RET: variants seen among roughly 807,000 people sequenced by gnomAD.
RET encodes ret proto-oncogene.
A neutral mutation model predicts 118.3 loss-of-function variants in RET; 19 were observed. The observed-to-expected ratio is 0.16, with a 90% confidence interval of 0.11 to 0.24. The LOEUF (loss-of-function observed/expected upper bound fraction) is 0.24. Ranked by LOEUF, RET falls within the 10% of genes least tolerant of loss-of-function variation. The pLI, the probability that RET is intolerant of heterozygous loss-of-function variation, is 1.00. For synonymous variants in RET, 597 were observed against 644.1 expected, an observed-to-expected ratio of 0.93 and a Z score of 1.11; for missense variants, 1,219 against 1,502.1, an observed-to-expected ratio of 0.81 and a Z score of 3.12.
rs111514357 is a variant in RET at position 43,077,435 on chromosome 10, C to T, written c.73+104C>T. ...GCGCCTTTCTGTTTGCCGTGGGCAG[C>T]GGGCTGTGCGGTCGCCGGCCACCCG... On this transcript the variant is annotated intron_variant, in intron 1 of 19. Coordinates refer to ENST00000355710, the MANE Select transcript of RET (RefSeq NM_020975.6). 2.5e-3 allele frequency: 3,297 copies of T among 1,331,980 alleles called. 69 individuals are homozygous for T. The African/African-American group carries it at 0.046, about 19-fold the overall frequency. The allele number at this position is 1,331,980 out of a possible 1,614,324, so 82.5% of individuals were successfully genotyped here.
At chr10:43,120,313 A>C in intron 15 of RET, 110 bp downstream of exon 15, 2 of 1,471,226 alleles carry the variant, frequency 1.4e-6, no homozygotes, top group South Asian at 2.4e-5. Flanking sequence ...GTGGAGCTCT[A>C]AGCTTTTTAT....
chr10:43,110,065 C>G (rs542533088), intron 6 of RET, among the ~76,000 whole-genome samples: 66 of 152,276 alleles, frequency 4.3e-4, no homozygotes, highest in Non-Finnish European at 7.5e-4. Flanking sequence ...ACGAGGGAGC[C>G]CACCCTTGGA....
chr10:43,087,735 AGC>A (rs1472807254), intron 1 of RET, among the ~76,000 whole-genome samples: 5 of 152,196 alleles, frequency 3.3e-5, no homozygotes, highest in Non-Finnish European at 1.5e-5. Flanking sequence ...TAAATACAAC[AGC>A]GGGCAGGATG....
At chr10:43,085,407 T>C (rs1443187474) in intron 1 of RET, among the ~76,000 whole-genome samples, 1 of 152,226 alleles carries the variant, frequency 6.6e-6, no homozygotes, top group Non-Finnish European at 1.5e-5. Context: ...TCTTCTTGCC[T>C]CATCGTCAGT....
intron 1 of RET, among the ~76,000 whole-genome samples, chr10:43,080,068 C>A (rs1261938402): frequency 6.6e-6 from 1 of 152,256 alleles, no homozygotes; most frequent in Admixed American, 6.5e-5. Flanking sequence ...AATTGCCTTT[C>A]TTCTGCAGAA....
At chr10:43,096,039 G>C (rs1022638676) in intron 1 of RET, among the ~76,000 whole-genome samples, 18 of 152,196 alleles carry the variant, frequency 1.2e-4, no homozygotes, top group African/African-American at 4.3e-4. Context: ...AGAAGTACAG[G>C]GTGGGCCCAG....
At chr10:43,107,564 C>T (rs2565205) in intron 5 of RET, among the ~76,000 whole-genome samples, 1 of 64,250 alleles carries the variant, frequency 1.6e-5, no homozygotes, top group East Asian at 2.8e-4. Context: ...ATGCCTCACA[C>T]ACACACACAC....
chr10:43,125,053 T>C (rs1379165683), intron 18 of RET, 71 bp downstream of exon 18: 1 of 1,417,604 alleles, frequency 7.1e-7, no homozygotes, highest in East Asian at 2.3e-5. Flanking sequence ...CCCAGGGCAG[T>C]AGTTTTAGCC....
Position 43,077,082 on chromosome 10 carries a change from AAGCAGGGCGCGC to A in RET, c.-171_-160del. On this transcript the variant is annotated 5_prime_UTR_variant, in exon 1 of 20. Coordinates refer to ENST00000355710, the MANE Select transcript of RET (RefSeq NM_020975.6). The stretch of plus-strand genomic sequence containing the variant: ...TTACCTCGCTTCAGTCCCGCGACCG[AAGCAGGGCGCGC>A]AGCAGCGCTGAGTGCCCCGGAACGT... The A allele has an allele frequency of 1.0e-5, 9 of 900,752 alleles. No individual in the cohort carries two copies. The highest frequency in any genetic ancestry group is 1.3e-5 in the Non-Finnish European group (9 of 701,388). The allele number at this position is 900,752 out of a possible 1,614,324, so 55.8% of individuals were successfully genotyped here. A position where few individuals can be genotyped will look rare whatever the true frequency, so the allele number is the denominator to read the frequency against.
chr10:43,104,890 G>T, intron 3 of RET, 62 bp from the exon 4 acceptor site: 5 of 1,534,376 alleles, frequency 3.3e-6, no homozygotes. Context: ...CCTTCCCGAG[G>T]AAAGCGGCTG....
chr10:43,116,406 C>G (rs145018625), intron 11 of RET, among the ~76,000 whole-genome samples, 178 bp from the exon 12 acceptor site: 41 of 152,316 alleles, frequency 2.7e-4, no homozygotes, highest in African/African-American at 8.4e-4. Context: ...AGGGGCCTGG[C>G]TGTGGGGTCC....
rs748847782 is a variant in RET at position 43,083,628 on chromosome 10, G to A, written c.73+6297G>A. 9.9e-5 allele frequency among the ~76,000 whole-genome samples: 15 copies of A among 151,752 alleles called. No homozygotes were observed. In the East Asian group the frequency reaches 1.4e-3, roughly 14 times the overall value. ...AGGAGGCTTCAAGTACAGAGGACGC[G>A]GGGATGGGGGCACGCAGGGGTGTAC... On this transcript the variant is annotated intron_variant, in intron 1 of 19. Transcript: ENST00000355710.
chr10:43,080,397 TC>T (rs1837153514), intron 1 of RET, among the ~76,000 whole-genome samples: 1 of 152,242 alleles, frequency 6.6e-6, no homozygotes, highest in Non-Finnish European at 1.5e-5. Flanking sequence ...CTGTGCCTAC[TC>T]ACTTCATCTT....
chr10:43,119,850 A>ACACTCTAGCCCACCATGCCC (rs1838169015), intron 14 of RET, 105 bp downstream of exon 14: 1 of 1,345,170 alleles, frequency 7.4e-7, no homozygotes, highest in Non-Finnish European at 1.0e-6. Context: ...CCACCATGCC[A>ACACTCTAGCCCACCATGCCC]CACTCTAGCC....
rs575969527 is a variant in RET, at chr10:43,088,511, G to A, written c.73+11180G>A. 4.7e-4 allele frequency among the ~76,000 whole-genome samples: 71 copies of A among 152,140 alleles called. No individual in the cohort carries two copies. The Middle Eastern group carries it at 0.01, about 22-fold the overall frequency. On this transcript the variant is annotated intron_variant, in intron 1 of 19. Transcript: ENST00000355710. ...CAGTGGCGGGGAAGGTGGAGGTAAT[G>A]GTAGTGGTAGAGGTGACGGTGATGT... is the stretch of plus-strand genomic sequence containing the variant.
intron 1 of RET, among the ~76,000 whole-genome samples, chr10:43,092,697 C>T (rs1261084322): frequency 6.6e-6 from 1 of 152,218 alleles, no homozygotes; most frequent in Non-Finnish European, 1.5e-5. Context: ...GCTGGCAGCT[C>T]CGGTGCCCAG....
intron 13 of RET, among the ~76,000 whole-genome samples, chr10:43,119,012 G>A (rs2075911): frequency 0.17 from 26,352 of 152,248 alleles, 2,521 homozygotes; most frequent in Admixed American, 0.25. Context: ...GGGTGTGTGC[G>A]AGAGGGATAG....
At chr10:43,115,253 C>A (rs1481090264) in intron 11 of RET, among the ~76,000 whole-genome samples, 1 of 152,200 alleles carries the variant, frequency 6.6e-6, no homozygotes, top group African/African-American at 2.4e-5. Flanking sequence ...CGGTGAGCCA[C>A]GCAGCTTATG....
chr10:43,096,827 C>T (rs1162060462), intron 1 of RET, among the ~76,000 whole-genome samples: 2 of 152,202 alleles, frequency 1.3e-5, no homozygotes, highest in East Asian at 1.9e-4. Flanking sequence ...CTGAGCAGGG[C>T]CCACTGGGAC....
Sources: allele counts gnomAD v4.1 joint callset (sites outside exome capture counted in the v4.1 genomes callset), GRCh38; gene constraint gnomAD v4.1.1; transcripts MANE v1.5; gene names NCBI Gene and HGNC (gene_info 2026-07-23, HGNC 2026-07-21).